The following IGSF10 variants were observed in gnomAD, a reference collection of about 807,000 sequenced individuals.
The protein encoded by IGSF10 is calvaria mechanical force protein 608.
Under a neutral mutation model 128.2 loss-of-function variants are expected in IGSF10, and 126 were observed. The ratio of observed to expected loss-of-function variants is 0.98; its 90% CI spans 0.85 to 1.14. The LOEUF is 1.14. Ranked by LOEUF, IGSF10 falls within the 50% of genes most tolerant of loss-of-function variation. The pLI is 0.00. For synonymous variants in IGSF10, 1,185 were observed against 1,146.2 expected (o/e 1.03, Z -0.68); for missense variants, 3,295 against 3,149.8 (o/e 1.05, Z -1.10).
At chr3:151,607,402 T>TA in the IGSF10 span, among the ~76,000 whole-genome samples, 6 of 150,898 alleles carry the variant, frequency 4.0e-5, no homozygotes, top group African/African-American at 7.3e-5. Context: ...TATAAAATTT[T>TA]AAAAAAAAAC....
intron 7 of IGSF10, among the ~76,000 whole-genome samples, chr3:151,441,228 ATG>A (rs989234177): frequency 1.3e-5 from 2 of 152,182 alleles, no homozygotes; most frequent in African/African-American, 4.8e-5. Flanking sequence ...AGAACTATTG[ATG>A]TTTCTTTTTA....
the IGSF10 span, among the ~76,000 whole-genome samples, chr3:151,572,590 A>T: frequency 6.6e-6 from 1 of 151,804 alleles, no homozygotes; most frequent in Non-Finnish European, 1.5e-5. Context: ...TTTTTATCGC[A>T]TCTATTTGAT....
chr3:151,559,686 C>T, the IGSF10 span, among the ~76,000 whole-genome samples: 2 of 151,856 alleles, frequency 1.3e-5, no homozygotes, highest in African/African-American at 4.8e-5. Flanking sequence ...GGGTTGGGAG[C>T]GTTGGAGAGG....
the IGSF10 span, among the ~76,000 whole-genome samples, chr3:151,510,923 A>G: frequency 1.3e-5 from 2 of 152,154 alleles, no homozygotes; most frequent in Non-Finnish European, 2.9e-5. Flanking sequence ...AAAAAAGAAT[A>G]AAAAGAAATG....
the IGSF10 span, among the ~76,000 whole-genome samples, chr3:151,474,823 AAG>A: frequency 0.021 from 3,209 of 152,282 alleles, 105 homozygotes; most frequent in African/African-American, 0.073. Context: ...GCAGCAGGCA[AAG>A]AGAGAGCTTG....
Position 151,438,360 on chromosome 3 carries a change from C to T in IGSF10, c.6201G>A (p.Val2067=). The T allele has an allele frequency of 3.7e-6, 6 of 1,614,184 alleles. No individual in the cohort carries two copies. Among genetic ancestry groups the T allele is most frequent in the Non-Finnish European group, 5.1e-6 (6 of 1,180,038 alleles). The change falls in exon 8 of 8, where the codon GTG becomes GTA. Residue 2067 remains valine, a synonymous_variant. Coordinates refer to ENST00000282466, the MANE Select transcript of IGSF10 (RefSeq NM_178822.5). Reference sequence around the variant, plus strand: ...CAGGCAAACTCCAAGATATCTCTGGCACTGGGGAGCCGGAAGCTTTGCAAT... The same window carrying T: ...CAGGCAAACTCCAAGATATCTCTGGTACTGGGGAGCCGGAAGCTTTGCAAT... ...QVDCKASGSP[V]PEISWSLPDG...
the IGSF10 span, among the ~76,000 whole-genome samples, chr3:151,516,667 G>A: frequency 6.7e-6 from 1 of 150,088 alleles, no homozygotes; most frequent in Non-Finnish European, 1.5e-5. Flanking sequence ...AGTTCCAGAA[G>A]CAGAACATTG....
the IGSF10 span, among the ~76,000 whole-genome samples, chr3:151,521,721 G>C: frequency 6.6e-6 from 1 of 151,964 alleles, no homozygotes; most frequent in Non-Finnish European, 1.5e-5. Context: ...AGTGTTAAAA[G>C]GGAAATTCAT....
chr3:151,506,269 T>TC, the IGSF10 span, among the ~76,000 whole-genome samples: 43 of 152,102 alleles, frequency 2.8e-4, no homozygotes, highest in African/African-American at 9.4e-4. Context: ...TGCTTTTTTT[T>TC]CCAGATCTAT....
upstream of IGSF10, among the ~76,000 whole-genome samples, chr3:151,463,143 C>G (rs554215839): frequency 1.1e-4 from 16 of 152,302 alleles, no homozygotes; most frequent in African/African-American, 3.8e-4. Context: ...GTTTGCTTCT[C>G]TTAAGAATTT....
the IGSF10 span, among the ~76,000 whole-genome samples, chr3:151,519,915 T>C: frequency 6.6e-5 from 10 of 151,874 alleles, no homozygotes; most frequent in Admixed American, 2.0e-4. Flanking sequence ...GATTTTGTTA[T>C]AGTGCATATT....
intron 6 of IGSF10, 131 bp from the exon 7 acceptor site, chr3:151,444,015 T>C (rs1331593582): frequency 1.4e-5 from 10 of 708,330 alleles, no homozygotes; most frequent in Non-Finnish European, 1.8e-5. Context: ...GGCTCACTTG[T>C]ATAATCCCAA....
chr3:151,457,962 G>A (rs919343725), intron 3 of IGSF10, among the ~76,000 whole-genome samples: 5 of 152,054 alleles, frequency 3.3e-5, no homozygotes, highest in African/African-American at 1.2e-4. Context: ...TCAAATAAAC[G>A]ATGCTAAGTC....
At position 151,443,523 on chromosome 3, in the gene IGSF10, G is replaced by C; in HGVS notation, c.5424C>G (p.His1808Gln). Reference protein sequence around the residue: ...VVTVDGTLVLHNLSIYDRGFY... With the variant: ...VVTVDGTLVLQNLSIYDRGFY... ...AGCCACGGTCATAAATACTGAGATT[G>C]TGGAGGACCAATGTTCCGTCAACCG... The change falls in exon 7 of 8, where the codon CAC becomes CAG. Residue 1808 changes from histidine to glutamine, a missense_variant. By Grantham distance (24) the His-to-Gln change is conservative. Transcript: ENST00000282466. 6.2e-7 allele frequency: 1 copy of C among 1,614,232 alleles called. No individual in the cohort carries two copies. The highest frequency in any genetic ancestry group is 8.5e-7 in the Non-Finnish European group (1 of 1,180,048).
the IGSF10 span, among the ~76,000 whole-genome samples, chr3:151,570,897 G>T: frequency 6.6e-6 from 1 of 152,132 alleles, no homozygotes; most frequent in Non-Finnish European, 1.5e-5. Context: ...AATCCATCTT[G>T]AATTAATTTT....
chr3:151,562,408 C>T, the IGSF10 span, among the ~76,000 whole-genome samples: 1 of 152,058 alleles, frequency 6.6e-6, no homozygotes, highest in African/African-American at 2.4e-5. Flanking sequence ...ATTCTTTATT[C>T]CTTCACTTTC....
chr3:151,467,976 A>T, the IGSF10 span, among the ~76,000 whole-genome samples: 1 of 152,244 alleles, frequency 6.6e-6, no homozygotes, highest in Non-Finnish European at 1.5e-5. Flanking sequence ...CAAAAAGTTG[A>T]TTAGTCTGTC....
At chr3:151,602,719 A>C in the IGSF10 span, among the ~76,000 whole-genome samples, 1 of 151,878 alleles carries the variant, frequency 6.6e-6, no homozygotes, top group East Asian at 1.9e-4. Context: ...TGCCCTCTCC[A>C]TGCACCTTCA....
At position 151,447,098 on chromosome 3, in the gene IGSF10, C is replaced by T; in HGVS notation, c.2883G>A (p.Val961=). 1 of 1,614,168 alleles carries T rather than the reference C, an allele frequency of 6.2e-7. No homozygotes were observed. The highest frequency in any genetic ancestry group is 8.5e-7 in the Non-Finnish European group (1 of 1,180,008). The change falls in exon 6 of 8, where the codon GTG becomes GTA. Residue 961 remains valine (V), a synonymous_variant. Transcript: ENST00000282466. ...AGAAGTGATTGTGCCTGGGTTCACT[C>T]ACTTCTCTTACAGATGTCTGATGAC... ...TNSHQTSVRE[V]SEPRHNHFYS...
Sources: allele counts gnomAD v4.1 joint callset (sites outside exome capture counted in the v4.1 genomes callset), GRCh38; gene constraint gnomAD v4.1.1; transcripts MANE v1.5; gene names NCBI Gene and HGNC (gene_info 2026-07-23, HGNC 2026-07-21).